NIFK: variants seen among roughly 807,000 people sequenced by gnomAD.
The protein encoded by NIFK is MKI67 FHA domain-interacting nucleolar phosphoprotein.
A neutral mutation model predicts 31.7 loss-of-function variants in NIFK; 16 were observed. The ratio of observed to expected loss-of-function variants is 0.50; its 90% CI spans 0.34 to 0.77. The LOEUF (loss-of-function observed/expected upper bound fraction) is 0.77, where lower values mean the gene tolerates loss of function less well. Among genes scored for constraint, NIFK ranks in the 30% least tolerant of loss-of-function variants. The probability of loss-of-function intolerance (pLI) is 0.01; values close to 1 mark genes in which losing one functional copy is unlikely to be tolerated. For synonymous variants in NIFK, 126 were observed against 123.0 expected, an observed-to-expected ratio of 1.02 and a Z score of -0.16; for missense variants, 341 against 350.4, an observed-to-expected ratio of 0.97 and a Z score of 0.21.
chr2:121,736,676 G>T, intron 1 of NIFK, 70 bp downstream of exon 1: 1 of 1,358,464 alleles, frequency 7.4e-7, no homozygotes, highest in Non-Finnish European at 1.1e-6. Context: ...CGGAAACCGT[G>T]CAACCCCAGA....
chr2:121,730,767 C>A (rs1027843495), intron 4 of NIFK, 126 bp downstream of exon 4: 1 of 683,346 alleles, frequency 1.5e-6, no homozygotes. Context: ...ATTGCTTGAA[C>A]CCAGGATGTG....
chr2:121,731,592 G>A (rs2074540150), intron 3 of NIFK, among the ~76,000 whole-genome samples: 1 of 152,120 alleles, frequency 6.6e-6, no homozygotes, highest in Non-Finnish European at 1.5e-5. Context: ...TTCGGAACTC[G>A]CTGACTTAGA....
chr2:121,731,347 G>A (rs938990853), intron 3 of NIFK, among the ~76,000 whole-genome samples: 2 of 152,134 alleles, frequency 1.3e-5, no homozygotes, highest in African/African-American at 4.8e-5. Flanking sequence ...CAGAAACTTC[G>A]CTTTGCCTCC....
rs767813609 is a variant in NIFK at position 121,735,639 on chromosome 2, G to C, written c.217C>G (p.Arg73Gly). The C allele has an allele frequency of 6.2e-7, 1 of 1,612,174 alleles. No homozygotes were observed. The highest frequency in any genetic ancestry group is 8.5e-7 in the Non-Finnish European group (1 of 1,179,846). ...SYFSQFGTVT[R>G]FRLSRSKRTG... Reference sequence around the variant, plus strand: ...CTTTTACTTCTGGACAGCCTGAACCGTGTCACAGTGCCAAACTGGGAGAAA... The same window carrying C: ...CTTTTACTTCTGGACAGCCTGAACCCTGTCACAGTGCCAAACTGGGAGAAA... The change falls in exon 2 of 7, where the codon CGG becomes GGG. Residue 73 changes from arginine (R) to glycine (G), a missense_variant. Coordinates refer to ENST00000285814, the MANE Select transcript of NIFK (RefSeq NM_032390.5).
In NIFK at chr2:121,736,795, T is replaced by C. The variant is rs1455475373; in HGVS notation, c.56A>G (p.Asp19Gly). The C allele has an allele frequency of 1.9e-6, 3 of 1,614,162 alleles. No individual in the cohort carries two copies. Among genetic ancestry groups the C allele is most frequent in the Non-Finnish European group, 1.7e-6 (2 of 1,179,998 alleles). Residue 19 changes from aspartate (D) to glycine (G), a missense_variant, in exon 1 of 7, where the codon GAT (aspartate) becomes GGT (glycine). By Grantham distance (94) the Asp-to-Gly change is moderately conservative. Transcript: ENST00000285814. ...CGCCACCTCCTTTTGAAACTCGACA[T>C]CTTCCTGCGGATTAAGCGACAGGAT... ...GPILSLNPQE[D>G]VEFQKEVAQV...
intron 1 of NIFK, 71 bp from the exon 2 acceptor site, chr2:121,735,821 C>G (rs1326475263): frequency 5.2e-6 from 7 of 1,340,898 alleles, no homozygotes; most frequent in Non-Finnish European, 6.2e-6. Context: ...ACCCCTAGCC[C>G]TCGGCCCAAG....
chr2:121,727,551 C>T lies in NIFK; in HGVS notation c.*173G>A, dbSNP rs575350480. On this transcript the variant is annotated 3_prime_UTR_variant, in exon 7 of 7. Coordinates refer to ENST00000285814, the MANE Select transcript of NIFK (RefSeq NM_032390.5). ...CAAGATGGTATGCACCCCTGTATTT[C>T]AGCCAAGGGCAGGCAATCCAAAATT... The T allele has an allele frequency of 1.1e-3, 756 of 715,562 alleles. 15 individuals carry two copies. The South Asian group carries it at 0.011, about 11-fold the overall frequency. 44.3% of individuals were successfully genotyped at this position (715,562 alleles called of 1,614,324 possible). A position where few individuals can be genotyped will look rare whatever the true frequency, so the allele number is the denominator to read the frequency against.
At position 121,732,562 on chromosome 2, in the gene NIFK, C is replaced by A. The variant is rs1311423242; in HGVS notation, c.244-358G>T. On this transcript the variant is annotated intron_variant, in intron 2 of 6. Coordinates refer to ENST00000285814, the MANE Select transcript of NIFK (RefSeq NM_032390.5). ...TGGGAATCAGGAGGCTCATTTCCAG[C>A]ACCAGTTGTGTCAGTAACAAGCAAC... Among the ~76,000 whole-genome samples the A allele has an allele frequency of 2.6e-5, 4 of 152,200 alleles. No individual in the cohort carries two copies. The East Asian group carries it at 5.8e-4, about 22-fold the overall frequency.
Position 121,735,740 on chromosome 2 carries a change from T to C in NIFK, c.116A>G (p.Gln39Arg), listed in dbSNP as rs1464937139. Reference sequence around the variant, plus strand: ...GACTACTCCAGGAGTAAGTTGTTCTTGTTTTTTTCGCTAAAGACGTAAAGA... The same window carrying C: ...GACTACTCCAGGAGTAAGTTGTTCTCGTTTTTTTCGCTAAAGACGTAAAGA... ...VRKRITQRKKQEQLTPGVVYV... is the reference protein window; with the variant it reads ...VRKRITQRKKREQLTPGVVYV... The change falls in exon 2 of 7, where the codon CAA becomes CGA. Residue 39 changes from glutamine (Q) to arginine (R), a missense_variant. By Grantham distance (43) the Gln-to-Arg change is conservative. Coordinates refer to ENST00000285814, the MANE Select transcript of NIFK (RefSeq NM_032390.5). 6.2e-7 allele frequency: 1 copy of C among 1,612,242 alleles called. No homozygotes were observed. The highest frequency in any genetic ancestry group is 1.3e-5 in the African/African-American group (1 of 74,854).
chr2:121,735,530 T>G, intron 2 of NIFK, 83 bp downstream of exon 2: 1 of 1,386,840 alleles, frequency 7.2e-7, no homozygotes, highest in Non-Finnish European at 1.0e-6. Context: ...TAAGCAATAA[T>G]GTATGCGTGA....
At chr2:121,728,120 G>T in intron 6 of NIFK, 168 bp downstream of exon 6, 1 of 681,534 alleles carries the variant, frequency 1.5e-6, no homozygotes, top group Non-Finnish European at 2.4e-6. Context: ...AATATAGCAT[G>T]TTCCATTATA....
At chr2:121,733,101 AAG>A (rs2074555553) in intron 2 of NIFK, among the ~76,000 whole-genome samples, 1 of 150,046 alleles carries the variant, frequency 6.7e-6, no homozygotes, top group Admixed American at 6.7e-5. Flanking sequence ...AAACTAGGCC[AAG>A]AGGGGTGGCT....
At chr2:121,728,560 G>C in intron 4 of NIFK, 24 bp from the exon 5 acceptor site, 1 of 1,325,522 alleles carries the variant, frequency 7.5e-7, no homozygotes, top group South Asian at 1.3e-5. Context: ...GTTAGAAATT[G>C]ACACTCATAT....
At chr2:121,731,973 T>C (rs1481394869) in intron 3 of NIFK, 123 bp downstream of exon 3, 5 of 659,656 alleles carry the variant, frequency 7.6e-6, no homozygotes, top group Non-Finnish European at 1.4e-5. Context: ...TGCACCATTC[T>C]GTAAGACTCA....
At position 121,727,455 on chromosome 2, in the gene NIFK, TA is replaced by T; in HGVS notation, c.*268del. 1 of 603,532 alleles carries T rather than the reference TA, an allele frequency of 1.7e-6. No homozygotes were observed. Among genetic ancestry groups the T allele is most frequent in the Non-Finnish European group, 3.2e-6 (1 of 314,884 alleles). 37.4% of individuals were successfully genotyped at this position (603,532 alleles called of 1,614,324 possible). A position where few individuals can be genotyped will look rare whatever the true frequency, so the allele number is the denominator to read the frequency against. On this transcript the variant is annotated 3_prime_UTR_variant, in exon 7 of 7. Coordinates refer to ENST00000285814, the MANE Select transcript of NIFK (RefSeq NM_032390.5). ...AACTTTCTATCCAGGCAGAGTAAAC[TA>T]AGGAGAGCTATGAAATATCAAAAGA...
At position 121,730,809 on chromosome 2, in the gene NIFK, G is replaced by C. The variant is rs761010555; in HGVS notation, c.564+84C>G. 4.4e-6 allele frequency: 4 copies of C among 900,166 alleles called. No homozygotes were observed. The African/African-American group carries it at 4.9e-5, about 11-fold the overall frequency. 55.8% of individuals were successfully genotyped at this position (900,166 alleles called of 1,614,324 possible). On this transcript the variant is annotated intron_variant, in intron 4 of 6. Transcript: ENST00000285814. ...GCAGTGAGTCAAGATTGTGGTAAGT[G>C]CTAGGCTAGGTACTTTACAAGGTAC...
Position 121,726,966 on chromosome 2 carries a change from G to T in NIFK, c.*758C>A, listed in dbSNP as rs2074495039. The T allele has an allele frequency of 6.4e-6, 1 of 155,944 alleles. No homozygotes were observed. Among genetic ancestry groups the T allele is most frequent in the African/African-American group, 2.4e-5 (1 of 41,428 alleles). 9.7% of individuals were successfully genotyped at this position (155,944 alleles called of 1,614,324 possible). ...TACATCTGATGGCAATGTTTTTAAT[G>T]AGTCTGAATTCGTTAATGAAGGGGA... is the stretch of plus-strand genomic sequence containing the variant. On this transcript the variant is annotated 3_prime_UTR_variant, in exon 7 of 7. Transcript: ENST00000285814.
In NIFK at chr2:121,729,987, T is replaced by A. The variant is rs537087297; in HGVS notation, c.564+906A>T. ...CAGCACTTTTGGAGGCTGAGGTGGATGGATCACCTGAGGTCAAGAGTTCGA... is the reference window on the plus strand; with the variant it reads ...CAGCACTTTTGGAGGCTGAGGTGGAAGGATCACCTGAGGTCAAGAGTTCGA... On this transcript the variant is annotated intron_variant, in intron 4 of 6. Transcript: ENST00000285814. Among the ~76,000 whole-genome samples, 18 of 152,264 alleles carry A rather than the reference T, an allele frequency of 1.2e-4. No individual in the cohort carries two copies. The South Asian group carries it at 2.1e-3, about 18-fold the overall frequency.
chr2:121,736,520 C>G (rs2074581583), intron 1 of NIFK, among the ~76,000 whole-genome samples: 1 of 152,270 alleles, frequency 6.6e-6, no homozygotes, highest in African/African-American at 2.4e-5. Context: ...GGCCAAACCC[C>G]TCCATCATTT....
Sources: gnomAD v4.1 joint callset for allele counts (sites outside exome capture counted in the v4.1 genomes callset) on GRCh38, gnomAD v4.1.1 for gene constraint, MANE v1.5 for transcripts, NCBI Gene and HGNC (gene_info 2026-07-23, HGNC 2026-07-21) for gene names.